TMEM192: variants seen among roughly 807,000 people sequenced by gnomAD.
The protein encoded by TMEM192 is transmembrane protein 192.
TMEM192 carries 20 observed loss-of-function variants against 26.7 expected under a neutral mutation model. That is an observed-to-expected ratio of 0.75 (90% CI 0.53 to 1.09). The LOEUF (loss-of-function observed/expected upper bound fraction) is 1.09, where lower values mean the gene tolerates loss of function less well. Ranked by LOEUF, TMEM192 falls within the 50% of genes least tolerant of loss-of-function variation. The probability of loss-of-function intolerance (pLI) is 0.00; values close to 1 mark genes in which losing one functional copy is unlikely to be tolerated. For synonymous variants in TMEM192, 124 were observed against 121.0 expected (o/e 1.02, Z -0.16); for missense variants, 304 against 322.6 (o/e 0.94, Z 0.44).
chr4:165,108,597 C>T (rs900843694), intron 1 of TMEM192, among the ~76,000 whole-genome samples: 1 of 152,090 alleles, frequency 6.6e-6, no homozygotes, highest in Non-Finnish European at 1.5e-5. Flanking sequence ...TATGAGGGTT[C>T]CGTCTGGCTT....
chr4:165,100,620 G>T lies in TMEM192; in HGVS notation c.439+8C>A. The T allele has an allele frequency of 6.2e-7, 1 of 1,608,918 alleles. No homozygotes were observed. The highest frequency in any genetic ancestry group is 1.1e-5 in the South Asian group (1 of 90,028). ...GCACCCAAGTAGCTGAGAGAAAATT[G>T]GACATACCAGAGGACTGTATCATCA... is the stretch of plus-strand genomic sequence containing the variant. On this transcript the variant is annotated splice_region_variant and intron_variant, in intron 3 of 5. Transcript: ENST00000306480.
chr4:165,091,882 C>T (rs968014305), intron 3 of TMEM192, among the ~76,000 whole-genome samples: 2 of 152,000 alleles, frequency 1.3e-5, no homozygotes, highest in African/African-American at 2.4e-5. Flanking sequence ...AAAAAGTTTC[C>T]ATTAGACCAG....
At position 165,074,363 on chromosome 4, in the gene TMEM192, T is replaced by G. The variant is rs140060156; in HGVS notation, c.*5295A>C. ...TAGAGAATGTTTTGAGATCTCAAAT[T>G]TGTGATTGTCACATATTCAAAGTTT... On this transcript the variant is annotated 3_prime_UTR_variant, in exon 6 of 6. Coordinates refer to ENST00000306480, the MANE Select transcript of TMEM192 (RefSeq NM_001100389.2). 10 of 152,328 alleles carry G rather than the reference T, an allele frequency of 6.6e-5. No individual in the cohort carries two copies. The highest frequency in any genetic ancestry group is 2.2e-4 in the African/African-American group (9 of 41,570). 9.4% of individuals were successfully genotyped at this position (152,328 alleles called of 1,614,324 possible). A position where few individuals can be genotyped will look rare whatever the true frequency, so the allele number is the denominator to read the frequency against.
In TMEM192 at chr4:165,074,970, C is replaced by T. The variant is rs956243356; in HGVS notation, c.*4688G>A. On this transcript the variant is annotated 3_prime_UTR_variant, in exon 6 of 6. Coordinates refer to ENST00000306480, the MANE Select transcript of TMEM192 (RefSeq NM_001100389.2). Reference sequence around the variant, plus strand: ...ATGTCATAAAAGATTTATAAAAGACCATATAATTTGGAAAAAATGTTTAAC... The same window carrying T: ...ATGTCATAAAAGATTTATAAAAGACTATATAATTTGGAAAAAATGTTTAAC... The T allele has an allele frequency of 6.6e-6, 1 of 152,088 alleles. No individual in the cohort carries two copies. Among genetic ancestry groups the T allele is most frequent in the Non-Finnish European group, 1.5e-5 (1 of 68,016 alleles). 9.4% of individuals were successfully genotyped at this position (152,088 alleles called of 1,614,324 possible).
intron 1 of TMEM192, among the ~76,000 whole-genome samples, chr4:165,107,085 C>G (rs932428292): frequency 8.6e-5 from 13 of 151,594 alleles, no homozygotes; most frequent in African/African-American, 3.2e-4. Flanking sequence ...AGTGCAATGG[C>G]ATGATCTCAG....
In TMEM192 at chr4:165,071,237, T is replaced by C. The variant is rs1247263473; in HGVS notation, c.*8421A>G. ...CTATAATAAAAGTTACGTGTGGTGG[T>C]GTGGTGCACATCTATAATCCCAGCT... On this transcript the variant is annotated 3_prime_UTR_variant, in exon 6 of 6. Coordinates refer to ENST00000306480, the MANE Select transcript of TMEM192 (RefSeq NM_001100389.2). 3 of 151,926 alleles carry C rather than the reference T, an allele frequency of 2.0e-5. No individual in the cohort carries two copies. The highest frequency in any genetic ancestry group is 7.3e-5 in the African/African-American group (3 of 41,362). 9.4% of individuals were successfully genotyped at this position (151,926 alleles called of 1,614,324 possible).
chr4:165,077,536 G>C lies in TMEM192; in HGVS notation c.*2122C>G, dbSNP rs1734410724. 6.6e-6 allele frequency: 1 copy of C among 152,200 alleles called. No individual in the cohort carries two copies. The highest frequency in any genetic ancestry group is 2.4e-5 in the African/African-American group (1 of 41,430). The allele number at this position is 152,200 out of a possible 1,614,324, so 9.4% of individuals were successfully genotyped here. A position where few individuals can be genotyped will look rare whatever the true frequency, so the allele number is the denominator to read the frequency against. On this transcript the variant is annotated 3_prime_UTR_variant, in exon 6 of 6. Coordinates refer to ENST00000306480, the MANE Select transcript of TMEM192 (RefSeq NM_001100389.2). ...CCAAGGAGGGCGGATCAAAAGGTCA[G>C]GAGTTTGAGACCAGCCTGGCCAGCA...
chr4:165,104,568 TCGCCGAGG>T (rs1735120048), intron 1 of TMEM192, among the ~76,000 whole-genome samples: 3 of 152,170 alleles, frequency 2.0e-5, no homozygotes, highest in Non-Finnish European at 4.4e-5. Flanking sequence ...TCTCGCTCTG[TCGCCGAGG>T]CTGGAGTGCA....
intron 4 of TMEM192, among the ~76,000 whole-genome samples, chr4:165,085,953 A>T (rs2110747267): frequency 6.6e-6 from 1 of 152,314 alleles, no homozygotes; most frequent in East Asian, 1.9e-4. Flanking sequence ...TCTCATAAAC[A>T]CCTGCATGAA....
At chr4:165,092,110 T>C (rs572556578) in intron 3 of TMEM192, among the ~76,000 whole-genome samples, 10 of 114,680 alleles carry the variant, frequency 8.7e-5, no homozygotes, top group African/African-American at 3.1e-4. Flanking sequence ...CTTAATGCTG[T>C]TCTTTTTTTT....
chr4:165,073,434 G>A lies in TMEM192; in HGVS notation c.*6224C>T, dbSNP rs1252256786. ...ACACAATGCACTGCGGAAAGCCGCA[G>A]GGACCTCTGCCCAAGAAAGCCTGGG... On this transcript the variant is annotated 3_prime_UTR_variant, in exon 6 of 6. Transcript: ENST00000306480. The A allele has an allele frequency of 6.6e-6, 1 of 152,218 alleles. No individual in the cohort carries two copies. The highest frequency in any genetic ancestry group is 1.5e-5 in the Non-Finnish European group (1 of 68,058). The allele number at this position is 152,218 out of a possible 1,614,324, so 9.4% of individuals were successfully genotyped here.
In TMEM192 at chr4:165,072,860, G is replaced by A. The variant is rs1734301217; in HGVS notation, c.*6798C>T. The A allele has an allele frequency of 6.6e-6, 1 of 152,116 alleles. No homozygotes were observed. Among genetic ancestry groups the A allele is most frequent in the African/African-American group, 2.4e-5 (1 of 41,382 alleles). The allele number at this position is 152,116 out of a possible 1,614,324, so 9.4% of individuals were successfully genotyped here. A position where few individuals can be genotyped will look rare whatever the true frequency, so the allele number is the denominator to read the frequency against. ...AAGGGGCAGTTGGACACATAAGTCT[G>A]GAGTTCAGGGAGGAAGGCCTGGCTG... is the stretch of plus-strand genomic sequence containing the variant. On this transcript the variant is annotated 3_prime_UTR_variant, in exon 6 of 6. Transcript: ENST00000306480.
At chr4:165,107,557 T>C (rs1735192841) in intron 1 of TMEM192, among the ~76,000 whole-genome samples, 1 of 152,084 alleles carries the variant, frequency 6.6e-6, no homozygotes, top group Non-Finnish European at 1.5e-5. Context: ...TTGCCCAGGC[T>C]GGTCTTGAAC....
Position 165,071,166 on chromosome 4 carries a change from G to T in TMEM192, c.*8492C>A, listed in dbSNP as rs1579196593. 1 of 152,106 alleles carries T rather than the reference G, an allele frequency of 6.6e-6. No individual in the cohort carries two copies. The highest frequency in any genetic ancestry group is 2.4e-5 in the African/African-American group (1 of 41,418). 9.4% of individuals were successfully genotyped at this position (152,106 alleles called of 1,614,324 possible). ...AAGTTAAATTTATAAATTAGGCACA[G>T]AGAGTAACAACATTAATAACAAAAT... On this transcript the variant is annotated 3_prime_UTR_variant, in exon 6 of 6. Coordinates refer to ENST00000306480, the MANE Select transcript of TMEM192 (RefSeq NM_001100389.2).
intron 1 of TMEM192, among the ~76,000 whole-genome samples, chr4:165,104,493 G>C (rs1735118490): frequency 6.6e-6 from 1 of 152,126 alleles, no homozygotes; most frequent in African/African-American, 2.4e-5. Flanking sequence ...TCCAGTAGCA[G>C]GTATTCAACA....
chr4:165,085,825 G>T lies in TMEM192; in HGVS notation c.575-137C>A, dbSNP rs898494590. On this transcript the variant is annotated intron_variant, in intron 4 of 5. Coordinates refer to ENST00000306480, the MANE Select transcript of TMEM192 (RefSeq NM_001100389.2). ...CTACTATGTGCCAGGCCTGTTCTAA[G>T]CCCTGGGAATATAGGGATTACATTA... 83 of 613,342 alleles carry T rather than the reference G, an allele frequency of 1.4e-4. No individual in the cohort carries two copies. The African/African-American group carries it at 1.5e-3, about 11-fold the overall frequency. 38.0% of individuals were successfully genotyped at this position (613,342 alleles called of 1,614,324 possible).
chr4:165,103,224 T>A, intron 1 of TMEM192, 128 bp from the exon 2 acceptor site: 2 of 604,264 alleles, frequency 3.3e-6, no homozygotes, highest in Non-Finnish European at 4.9e-6. Flanking sequence ...ATTGCCTACC[T>A]GAATCCAATT....
rs35641833 is a variant in TMEM192, at chr4:165,092,112, C to CTTTTTTTT, written c.440-3518_440-3511dup. 1.7e-3 allele frequency among the ~76,000 whole-genome samples: 125 copies of CTTTTTTTT among 72,070 alleles called. 21 individuals are homozygous for CTTTTTTTT. Among genetic ancestry groups the CTTTTTTTT allele is most frequent in the African/African-American group, 5.9e-3 (87 of 14,856 alleles). The allele number at this position is 72,070 out of a possible 152,430, so 47.3% of individuals were successfully genotyped here. The stretch of plus-strand genomic sequence containing the variant: ...AATGCTGTTCTTTCTTAATGCTGTT[C>CTTTTTTTT]TTTTTTTTTTTTTTTTTTTTTTTTT... On this transcript the variant is annotated intron_variant, in intron 3 of 5. Coordinates refer to ENST00000306480, the MANE Select transcript of TMEM192 (RefSeq NM_001100389.2).
chr4:165,079,850 T>G, intron 5 of TMEM192, 54 bp from the exon 6 acceptor site: 1 of 1,544,944 alleles, frequency 6.5e-7, no homozygotes, highest in Non-Finnish European at 8.8e-7. Flanking sequence ...TACTCATTAG[T>G]GTCTTTGCAA....
Sources: gnomAD v4.1 joint callset for allele counts (sites outside exome capture counted in the v4.1 genomes callset) on GRCh38, gnomAD v4.1.1 for gene constraint, MANE v1.5 for transcripts, NCBI Gene and HGNC (gene_info 2026-07-23, HGNC 2026-07-21) for gene names.